Variants in FARP1 observed in about 807,000 individuals in gnomAD.
The protein encoded by FARP1 is FERM, ARHGEF and pleckstrin domain-containing protein 1.
FARP1 carries 52 observed loss-of-function variants against 128.8 expected under a neutral mutation model. The ratio of observed to expected loss-of-function variants is 0.40; its 90% confidence interval spans 0.32 to 0.51. FARP1 has a LOEUF of 0.51. FARP1 is among the 20% of genes least tolerant of loss of function. The probability of loss-of-function intolerance (pLI) is 0.45; values close to 1 mark genes in which losing one functional copy is unlikely to be tolerated. For missense variants in FARP1, 1,333 were observed against 1,367.9 expected (o/e 0.97, Z 0.40); for synonymous variants, 580 against 551.8 (o/e 1.05, Z -0.72).
intron 12 of FARP1, 99 bp downstream of exon 12, chr13:98,393,817 C>G (rs1266207606): frequency 2.3e-6 from 2 of 875,700 alleles, no homozygotes; most frequent in Admixed American, 2.1e-5. Context: ...TCTGTCCTTT[C>G]CTTTGGGGTT....
chr13:98,295,473 C>G (rs779067749), intron 2 of FARP1, among the ~76,000 whole-genome samples: 30 of 152,198 alleles, frequency 2.0e-4, no homozygotes, highest in Non-Finnish European at 3.7e-4. Context: ...GTTACTACCT[C>G]TGCTTATAAA....
intron 2 of FARP1, among the ~76,000 whole-genome samples, chr13:98,315,839 C>T (rs1210848806): frequency 1.3e-5 from 2 of 152,192 alleles, no homozygotes; most frequent in Admixed American, 6.5e-5. Flanking sequence ...TTGCCAATTT[C>T]GCTTCCAAAG....
chr13:98,187,037 C>T (rs1303301870), intron 1 of FARP1, among the ~76,000 whole-genome samples: 10 of 130,382 alleles, frequency 7.7e-5, no homozygotes, highest in Admixed American at 7.2e-4. Context: ...CGTGCACATA[C>T]AGATATATGT....
At chr13:98,330,953 C>G (rs557507791) in intron 2 of FARP1, among the ~76,000 whole-genome samples, 1 of 152,090 alleles carries the variant, frequency 6.6e-6, no homozygotes, top group Non-Finnish European at 1.5e-5. Context: ...TTCAGGCAAG[C>G]CTCATTTCCA....
intron 24 of FARP1, chr13:98,445,090 G>A (rs768194326): frequency 1.3e-5 from 2 of 152,298 alleles, no homozygotes; most frequent in Non-Finnish European, 2.9e-5. Flanking sequence ...CCCTCCCTGA[G>A]CAACTGGAGG....
chr13:98,438,977 G>C, intron 20 of FARP1, 105 bp downstream of exon 20: 1 of 1,434,548 alleles, frequency 7.0e-7, no homozygotes. Flanking sequence ...TGGGGTAGAG[G>C]AAGAGCAGCC....
chr13:98,213,076 G>T (rs1338610637), intron 1 of FARP1, 144 bp from the exon 2 acceptor site: 4 of 558,206 alleles, frequency 7.2e-6, no homozygotes, highest in Admixed American at 6.6e-5. Context: ...AGGTGACTTT[G>T]TGAGTGAACC....
intron 3 of FARP1, among the ~76,000 whole-genome samples, chr13:98,353,221 G>A (rs970462485): frequency 6.6e-6 from 1 of 152,136 alleles, no homozygotes; most frequent in South Asian, 2.1e-4. Flanking sequence ...GACTTATGCA[G>A]TTACGATGAA....
intron 11 of FARP1, among the ~76,000 whole-genome samples, chr13:98,392,086 T>G (rs1292646124): frequency 6.6e-6 from 1 of 151,984 alleles, no homozygotes; most frequent in African/African-American, 2.4e-5. Context: ...AAAACCCCCT[T>G]GAACCACCAG....
rs1883431330 is a variant in FARP1, at chr13:98,253,246, C to A, written c.171+39833C>A. Among the ~76,000 whole-genome samples the A allele has an allele frequency of 2.0e-5, 3 of 152,184 alleles. No individual in the cohort carries two copies. In the South Asian group the frequency reaches 6.2e-4, roughly 32 times the overall value. Reference sequence around the variant, plus strand: ...TGTTAAATGCTTGTTGGCAAGTAGTCCTGAGTTTAGCCTTTTATTTCTCTT... The same window carrying A: ...TGTTAAATGCTTGTTGGCAAGTAGTACTGAGTTTAGCCTTTTATTTCTCTT... On this transcript the variant is annotated intron_variant, in intron 2 of 26. Coordinates refer to ENST00000319562, the MANE Select transcript of FARP1 (RefSeq NM_005766.4).
intron 12 of FARP1, among the ~76,000 whole-genome samples, chr13:98,394,939 A>C (rs748812472): frequency 3.3e-5 from 5 of 152,138 alleles, no homozygotes; most frequent in African/African-American, 9.7e-5. Flanking sequence ...TCCAAAAAAG[A>C]AAAGCAAAGC....
intron 2 of FARP1, among the ~76,000 whole-genome samples, chr13:98,215,320 C>G (rs1207585024): frequency 6.6e-6 from 1 of 152,126 alleles, no homozygotes; most frequent in Non-Finnish European, 1.5e-5. Flanking sequence ...TTCTTAAAAG[C>G]CCTATCAGTT....
chr13:98,421,844 C>T (rs188393672), intron 16 of FARP1, among the ~76,000 whole-genome samples: 173 of 151,724 alleles, frequency 1.1e-3, no homozygotes, highest in Admixed American at 2.2e-3. Context: ...CAAAGCAAGA[C>T]CCCATATCTT....
rs1366891358 is a variant in FARP1, at chr13:98,435,606, C to T, written c.2174C>T (p.Ala725Val). ...AALAEITEMVAQLHGTMIKME... is the reference protein window; with the variant it reads ...AALAEITEMVVQLHGTMIKME... ...TTGGCAGAGATCACGGAGATGGTGG[C>T]ACAGCTCCACGGTACGATGATCAAG... Residue 725 changes from alanine to valine, a missense_variant, in exon 19 of 27, where the codon GCA becomes GTA. Ala to Val is a moderately conservative substitution (Grantham distance 64). Coordinates refer to ENST00000319562, the MANE Select transcript of FARP1 (RefSeq NM_005766.4). 6 of 1,613,514 alleles carry T rather than the reference C, an allele frequency of 3.7e-6. No individual in the cohort carries two copies. The highest frequency in any genetic ancestry group is 5.1e-6 in the Non-Finnish European group (6 of 1,179,668).
intron 2 of FARP1, among the ~76,000 whole-genome samples, chr13:98,302,666 T>C (rs1323268716): frequency 2.0e-5 from 3 of 152,210 alleles, no homozygotes; most frequent in Non-Finnish European, 4.4e-5. Context: ...TTCTTCAGGA[T>C]CCCATTGGGG....
intron 2 of FARP1, among the ~76,000 whole-genome samples, chr13:98,337,940 C>T (rs1243151255): frequency 6.6e-6 from 1 of 152,204 alleles, no homozygotes; most frequent in Non-Finnish European, 1.5e-5. Flanking sequence ...CCATTTTCCT[C>T]ATGTGATAAG....
rs1893206296 is a variant in FARP1, at chr13:98,451,780, T to TC, written c.*3466dup. On this transcript the variant is annotated 3_prime_UTR_variant, in exon 27 of 27. Transcript: ENST00000319562. Reference sequence around the variant, plus strand: ...CAGTCAACAGCTGCTGCACGAACCCTCCCACTCCAGAAACCCAGAGATTTT... The same window carrying TC: ...CAGTCAACAGCTGCTGCACGAACCCTCCCCACTCCAGAAACCCAGAGATTTT... 1 of 152,264 alleles carries TC rather than the reference T, an allele frequency of 6.6e-6. No individual in the cohort carries two copies. Among genetic ancestry groups the TC allele is most frequent in the East Asian group, 1.9e-4 (1 of 5,180 alleles). The allele number at this position is 152,264 out of a possible 1,614,324, so 9.4% of individuals were successfully genotyped here.
intron 17 of FARP1, among the ~76,000 whole-genome samples, chr13:98,427,009 T>C (rs1177116557): frequency 1.3e-5 from 2 of 152,162 alleles, no homozygotes; most frequent in Non-Finnish European, 2.9e-5. Flanking sequence ...GCGTTTTGCA[T>C]TGGCGTGGTG....
At chr13:98,181,893 T>C in intron 1 of FARP1, among the ~76,000 whole-genome samples, 1 of 152,062 alleles carries the variant, frequency 6.6e-6, no homozygotes, top group East Asian at 1.9e-4. Flanking sequence ...TAAAATAAAA[T>C]AGACTTGAAT....
Sources: allele counts gnomAD v4.1 joint callset (sites outside exome capture counted in the v4.1 genomes callset), GRCh38; gene constraint gnomAD v4.1.1; transcripts MANE v1.5; gene names NCBI Gene and HGNC (gene_info 2026-07-23, HGNC 2026-07-21).